RAB40C: variants seen among roughly 807,000 people sequenced by gnomAD.
RAB40C encodes the protein RAB40C, member RAS oncogene family, also known as ras-related protein Rab-40C.
RAB40C carries 8 observed loss-of-function variants against 28.1 expected under a neutral mutation model. The ratio of observed to expected loss-of-function variants is 0.28; its 90% CI spans 0.17 to 0.51. The LOEUF (loss-of-function observed/expected upper bound fraction) is 0.51. RAB40C is among the 20% of genes least tolerant of loss of function. RAB40C has a pLI of 0.97. For synonymous variants in RAB40C, 201 were observed against 171.7 expected (o/e 1.17, Z -1.34); for missense variants, 288 against 405.9 (o/e 0.71, Z 2.50).
chr16:620,998 C>T lies in RAB40C; in HGVS notation c.264+2738C>T, dbSNP rs563743057. Among the ~76,000 whole-genome samples, 204 of 152,372 alleles carry T rather than the reference C, an allele frequency of 1.3e-3. No homozygotes were observed. The South Asian group carries it at 0.039, about 29-fold the overall frequency. On this transcript the variant is annotated intron_variant, in intron 3 of 5. Transcript: ENST00000248139. ...AGGCTGAGGTCCTGGAAAGCAAGCT[C>T]TGTTATCATCTCCGTGTTCTTTCCA...
At position 623,926 on chromosome 16, in the gene RAB40C, A is replaced by T. The variant is rs969706036; in HGVS notation, c.265-1506A>T. On this transcript the variant is annotated intron_variant, in intron 3 of 5. Coordinates refer to ENST00000248139, the MANE Select transcript of RAB40C (RefSeq NM_021168.5). ...ACCCCAGCCTGGCTGACAGAGTGAG[A>T]CCCTGTTTCAAAAAAAAAGAAAATG... is the stretch of plus-strand genomic sequence containing the variant. 3 of 984,118 alleles carry T rather than the reference A, an allele frequency of 3.0e-6. No individual in the cohort carries two copies. The African/African-American group carries it at 5.3e-5, about 17-fold the overall frequency. The allele number at this position is 984,118 out of a possible 1,614,324, so 61.0% of individuals were successfully genotyped here.
chr16:594,707 G>C (rs2036074032), intron 1 of RAB40C, among the ~76,000 whole-genome samples: 1 of 152,250 alleles, frequency 6.6e-6, no homozygotes, highest in East Asian at 1.9e-4. Flanking sequence ...TAGGTGACTG[G>C]ACAGCCGTGC....
chr16:623,229 AGGGGT>A (rs1017812628), intron 3 of RAB40C, among the ~76,000 whole-genome samples: 3 of 152,232 alleles, frequency 2.0e-5, no homozygotes, highest in Non-Finnish European at 4.4e-5. Flanking sequence ...TCATGCGAAT[AGGGGT>A]GTTTGCCACA....
intron 1 of RAB40C, among the ~76,000 whole-genome samples, chr16:600,684 G>A (rs906294590): frequency 4.6e-5 from 7 of 152,152 alleles, no homozygotes; most frequent in Admixed American, 1.3e-4. Context: ...CTGGGGAGGC[G>A]GAGGTTGCAG....
chr16:618,088 C>T, intron 2 of RAB40C, 112 bp from the exon 3 acceptor site: 3 of 987,848 alleles, frequency 3.0e-6, no homozygotes, highest in South Asian at 1.4e-5. Flanking sequence ...TGGCACCTGT[C>T]CTGGCCGCCC....
intron 3 of RAB40C, chr16:624,943 C>T (rs2036796029): frequency 7.8e-7 from 1 of 1,288,790 alleles, no homozygotes; most frequent in African/African-American, 1.5e-5. Flanking sequence ...CCTGCTCTGC[C>T]TGGCTGGGGG....
intron 1 of RAB40C, among the ~76,000 whole-genome samples, chr16:609,622 A>G (rs2036439126): frequency 6.6e-6 from 1 of 152,226 alleles, no homozygotes; most frequent in African/African-American, 2.4e-5. Flanking sequence ...TGGCGTCATC[A>G]GAGATACCGC....
intron 3 of RAB40C, 162 bp from the exon 4 acceptor site, chr16:625,270 G>A: frequency 1.4e-6 from 2 of 1,450,954 alleles, no homozygotes; most frequent in Non-Finnish European, 9.2e-7. Flanking sequence ...GGGCAGGGCT[G>A]CACCAGCTCT....
chr16:598,133 A>G (rs2036172376), intron 1 of RAB40C, among the ~76,000 whole-genome samples: 1 of 152,052 alleles, frequency 6.6e-6, no homozygotes, highest in Admixed American at 6.6e-5. Flanking sequence ...TAATCCCAGC[A>G]CTTTGGGAGG....
Position 622,296 on chromosome 16 carries a change from C to T in RAB40C, c.265-3136C>T, listed in dbSNP as rs910167502. 1.8e-4 allele frequency among the ~76,000 whole-genome samples: 28 copies of T among 152,178 alleles called. 1 individual carries two copies. Among genetic ancestry groups the T allele is most frequent in the African/African-American group, 6.8e-4 (28 of 41,432 alleles). On this transcript the variant is annotated intron_variant, in intron 3 of 5. Transcript: ENST00000248139. ...CCCAAGAGCTGGCGCAGTACCAGTT[C>T]ACGAGCAGGCGGGGGTGCTGGGCCT...
intron 5 of RAB40C, 100 bp downstream of exon 5, chr16:626,221 G>A (rs2036828925): frequency 7.8e-7 from 1 of 1,279,112 alleles, no homozygotes; most frequent in Non-Finnish European, 1.1e-6. Context: ...GGGAGGTTCA[G>A]GCAGGTCCCT....
chr16:595,002 T>C (rs1435103278), intron 1 of RAB40C, among the ~76,000 whole-genome samples: 1 of 152,056 alleles, frequency 6.6e-6, no homozygotes, highest in African/African-American at 2.4e-5. Context: ...GTATTTTTAG[T>C]AGAGGCAGGT....
rs898451285 is a variant in RAB40C at position 610,039 on chromosome 16, C to T, written c.143-7169C>T. Among the ~76,000 whole-genome samples the T allele has an allele frequency of 1.3e-5, 2 of 152,194 alleles. No individual in the cohort carries two copies. The highest frequency in any genetic ancestry group is 2.4e-5 in the African/African-American group (1 of 41,438). The stretch of plus-strand genomic sequence containing the variant: ...TGTGAACGGCACCAGCCTGGTGGCT[C>T]GGGTGCCAGGCCAGGGCCAGATGTA... On this transcript the variant is annotated intron_variant, in intron 1 of 5. Coordinates refer to ENST00000248139, the MANE Select transcript of RAB40C (RefSeq NM_021168.5). The surrounding 1 kb of genome is among the most constrained non-coding windows in gnomAD (Gnocchi z 4.6).
rs71299921 is a variant in RAB40C at position 604,061 on chromosome 16, C to CTTT, written c.143-13135_143-13133dup. 2.1e-3 allele frequency among the ~76,000 whole-genome samples: 288 copies of CTTT among 138,678 alleles called. 2 individuals are homozygous for CTTT. Among genetic ancestry groups the CTTT allele is most frequent in the African/African-American group, 7.0e-3 (268 of 38,038 alleles). The allele number at this position is 138,678 out of a possible 152,430, so 91.0% of individuals were successfully genotyped here. On this transcript the variant is annotated intron_variant, in intron 1 of 5. Transcript: ENST00000248139. ...GAACGAGTTCTTCTTTTTTCTTTTTCTTTTTTTTTTTTTTGAGACTCTCGT... is the reference window on the plus strand; with the variant it reads ...GAACGAGTTCTTCTTTTTTCTTTTTCTTTTTTTTTTTTTTTTTGAGACTCTCGT...
chr16:592,232 T>C (rs2036016093), intron 1 of RAB40C, among the ~76,000 whole-genome samples: 1 of 152,240 alleles, frequency 6.6e-6, no homozygotes, highest in Non-Finnish European at 1.5e-5. Flanking sequence ...CCTGAGCGTC[T>C]GCTATTTGCT....
rs1295724807 is a variant in RAB40C at position 620,652 on chromosome 16, G to GCC, written c.264+2400_264+2401dup. On this transcript the variant is annotated intron_variant, in intron 3 of 5. Coordinates refer to ENST00000248139, the MANE Select transcript of RAB40C (RefSeq NM_021168.5). ...GACGGGCTCCACCGCGGGCATCCCA[G>GCC]CCCCCCCCCGACGGGCTCCACCGCG... Among the ~76,000 whole-genome samples the GCC allele has an allele frequency of 2.6e-3, 168 of 65,254 alleles. 8 individuals are homozygous for GCC. Among genetic ancestry groups the GCC allele is most frequent in the African/African-American group, 0.011 (155 of 13,938 alleles). 42.8% of individuals were successfully genotyped at this position (65,254 alleles called of 152,430 possible).
At chr16:608,722 A>T (rs1340138677) in intron 1 of RAB40C, among the ~76,000 whole-genome samples, 1 of 152,164 alleles carries the variant, frequency 6.6e-6, no homozygotes, top group Non-Finnish European at 1.5e-5. Flanking sequence ...ATGCAAAAAA[A>T]ATTAGCTGGG....
At chr16:614,158 G>A (rs570020702) in intron 1 of RAB40C, among the ~76,000 whole-genome samples, 3 of 133,370 alleles carry the variant, frequency 2.2e-5, no homozygotes, top group South Asian at 2.6e-4. Context: ...GCTAACTACC[G>A]CATCCCGATG....
At chr16:595,599 T>C (rs2151059408) in intron 1 of RAB40C, among the ~76,000 whole-genome samples, 1 of 147,648 alleles carries the variant, frequency 6.8e-6, no homozygotes, top group Admixed American at 6.7e-5. Context: ...ATAACTTTTT[T>C]CTTCTTTTTT....
Sources: gnomAD v4.1 joint callset for allele counts (sites outside exome capture counted in the v4.1 genomes callset) on GRCh38, gnomAD v4.1.1 for gene constraint, Gnocchi (gnomAD v3.1) non-coding constraint, MANE v1.5 for transcripts, NCBI Gene and HGNC (gene_info 2026-07-23, HGNC 2026-07-21) for gene names.